Variants in TMEM132C observed in about 807,000 individuals in gnomAD.
The protein encoded by TMEM132C is protein phosphatase 1, regulatory subunit 152.
Under a neutral mutation model 61.4 loss-of-function variants are expected in TMEM132C, and 29 were observed. That is an observed-to-expected ratio of 0.47 (90% CI 0.35 to 0.64). The LOEUF is 0.64. Among genes scored for constraint, TMEM132C ranks in the 30% least tolerant of loss-of-function variants. TMEM132C has a pLI of 0.00. For synonymous variants in TMEM132C, 656 were observed against 633.1 expected, an observed-to-expected ratio of 1.04 and a Z score of -0.54; for missense variants, 1,408 against 1,476.9, an observed-to-expected ratio of 0.95 and a Z score of 0.76.
intron 4 of TMEM132C, among the ~76,000 whole-genome samples, chr12:128,645,867 G>T (rs1954192608): frequency 6.6e-6 from 1 of 151,620 alleles, no homozygotes; most frequent in South Asian, 2.1e-4. Flanking sequence ...ATCAGTGCTG[G>T]ATGTGAGTGT....
chr12:128,567,794 A>G (rs1458194392), intron 3 of TMEM132C, among the ~76,000 whole-genome samples: 1 of 152,182 alleles, frequency 6.6e-6, no homozygotes, highest in East Asian at 1.9e-4. Flanking sequence ...TCCTGTGGCC[A>G]TGCCAGAGTT....
At chr12:128,629,966 A>G (rs2135593427) in intron 4 of TMEM132C, among the ~76,000 whole-genome samples, 1 of 126,592 alleles carries the variant, frequency 7.9e-6, no homozygotes, top group East Asian at 2.0e-4. Context: ...AACTCCGTCT[A>G]AATTAAAAAA....
At chr12:128,573,244 C>CAT (rs1341723747) in intron 3 of TMEM132C, among the ~76,000 whole-genome samples, 2 of 152,096 alleles carry the variant, frequency 1.3e-5, no homozygotes, top group Non-Finnish European at 2.9e-5. Flanking sequence ...AAATGTGGCA[C>CAT]ATATACACCA....
intron 2 of TMEM132C, among the ~76,000 whole-genome samples, chr12:128,529,185 A>G (rs1873196364): frequency 6.6e-6 from 1 of 151,830 alleles, no homozygotes; most frequent in African/African-American, 2.4e-5. Context: ...AAAGGCAGAA[A>G]TTTTAATAAT....
At chr12:128,447,903 T>G (rs1049427308) in intron 2 of TMEM132C, among the ~76,000 whole-genome samples, 1 of 140,916 alleles carries the variant, frequency 7.1e-6, no homozygotes, top group Non-Finnish European at 1.5e-5. Flanking sequence ...ATTTTTTGTA[T>G]TTTTAGTAGA....
chr12:128,587,946 G>A (rs1209012970), intron 3 of TMEM132C, among the ~76,000 whole-genome samples: 3 of 152,154 alleles, frequency 2.0e-5, no homozygotes. Flanking sequence ...AGAGCTTAAG[G>A]ATAATAGTAA....
At chr12:128,503,071 G>A (rs900688986) in intron 2 of TMEM132C, among the ~76,000 whole-genome samples, 9 of 152,178 alleles carry the variant, frequency 5.9e-5, no homozygotes, top group African/African-American at 2.2e-4. Flanking sequence ...GGTTCTCAGA[G>A]CGATGGCATC....
intron 1 of TMEM132C, among the ~76,000 whole-genome samples, chr12:128,321,937 G>A (rs1236844198): frequency 6.6e-6 from 1 of 152,212 alleles, no homozygotes; most frequent in Admixed American, 6.5e-5. Flanking sequence ...TAAGGCTTGT[G>A]TGGTGGAAAG....
chr12:128,507,937 G>T (rs1176754726), intron 2 of TMEM132C, among the ~76,000 whole-genome samples: 2 of 152,130 alleles, frequency 1.3e-5, no homozygotes, highest in Non-Finnish European at 2.9e-5. Context: ...GCTCTAACCG[G>T]TTTTTTCACC....
At chr12:128,566,647 TTGATCTCTTTGATTGAATCTTCCA>T (rs1238830478) in intron 3 of TMEM132C, among the ~76,000 whole-genome samples, 2 of 152,198 alleles carry the variant, frequency 1.3e-5, no homozygotes, top group Non-Finnish European at 2.9e-5. Flanking sequence ...TTACATGAGA[TTGATCTCTTTGATTGAATCTTCCA>T]TCAGAGGAGT....
At chr12:128,463,243 G>A (rs2136072018) in intron 2 of TMEM132C, among the ~76,000 whole-genome samples, 1 of 152,230 alleles carries the variant, frequency 6.6e-6, no homozygotes, top group African/African-American at 2.4e-5. Flanking sequence ...TGCTGTAGAA[G>A]CTGGGGAAGT....
At chr12:128,410,989 A>G (rs577228370) in intron 1 of TMEM132C, among the ~76,000 whole-genome samples, 1 of 152,336 alleles carries the variant, frequency 6.6e-6, no homozygotes, top group South Asian at 2.1e-4. Context: ...GTATAGGCCA[A>G]TTACTTCATA....
intron 3 of TMEM132C, among the ~76,000 whole-genome samples, chr12:128,597,250 T>C (rs7138278): frequency 0.35 from 52,964 of 151,784 alleles, 11,238 homozygotes; most frequent in African/African-American, 0.55. Context: ...GAGGCTGAGG[T>C]GGGTGGATCA....
At chr12:128,313,708 C>A (rs28718265) in intron 1 of TMEM132C, among the ~76,000 whole-genome samples, 62 of 152,244 alleles carry the variant, frequency 4.1e-4, no homozygotes, top group African/African-American at 1.2e-3. Context: ...AATAAATGGT[C>A]AAACTGGGAT....
intron 1 of TMEM132C, among the ~76,000 whole-genome samples, chr12:128,277,064 T>C (rs1185974265): frequency 3.3e-5 from 5 of 152,310 alleles, no homozygotes; most frequent in East Asian, 3.9e-4. Context: ...CTGGAAACAA[T>C]GAGGTTGGGT....
chr12:128,597,146 G>A (rs997025758), intron 3 of TMEM132C, among the ~76,000 whole-genome samples: 1 of 152,138 alleles, frequency 6.6e-6, no homozygotes, highest in Non-Finnish European at 1.5e-5. Flanking sequence ...AAGTTTATAG[G>A]AGCGTTGGTT....
At position 128,393,265 on chromosome 12, in the gene TMEM132C, A is replaced by G. The variant is rs1006494091; in HGVS notation, c.86-21467A>G. Among the ~76,000 whole-genome samples the G allele has an allele frequency of 3.3e-5, 5 of 152,310 alleles. No homozygotes were observed. The South Asian group carries it at 6.2e-4, about 19-fold the overall frequency. On this transcript the variant is annotated intron_variant, in intron 1 of 8. Transcript: ENST00000435159. ...CAGCTAATCCAGGGCCGTCAAATGT[A>G]CATGAAGACCAATTGGAAAGTCTCT...
At chr12:128,603,391 G>A (rs1876275034) in intron 3 of TMEM132C, among the ~76,000 whole-genome samples, 1 of 152,192 alleles carries the variant, frequency 6.6e-6, no homozygotes, top group African/African-American at 2.4e-5. Context: ...CAAGAGAACA[G>A]ATGCTGCTTT....
chr12:128,639,080 G>GATGGTGAT (rs1954128718), intron 4 of TMEM132C, among the ~76,000 whole-genome samples: 3 of 141,710 alleles, frequency 2.1e-5, no homozygotes, highest in East Asian at 2.1e-4. Flanking sequence ...ATGGTGATAT[G>GATGGTGAT]ATGATGATGA....
Sources: gnomAD v4.1 joint callset for allele counts (sites outside exome capture counted in the v4.1 genomes callset) on GRCh38, gnomAD v4.1.1 for gene constraint, MANE v1.5 for transcripts, NCBI Gene and HGNC (gene_info 2026-07-23, HGNC 2026-07-21) for gene names.